The following SMARCA4 variants were observed in gnomAD, a reference collection of about 807,000 sequenced individuals.
SMARCA4 encodes SWI/SNF-related matrix-associated actin-dependent regulator of chromatin subfamily A member 4.
In SMARCA4, 31 loss-of-function variants were observed where a neutral mutation model predicts 193.9. That is an observed-to-expected ratio of 0.16 (90% CI 0.12 to 0.22). The LOEUF is 0.22. Among genes scored for constraint, SMARCA4 ranks in the 10% least tolerant of loss-of-function variants. SMARCA4 has a pLI of 1.00. For synonymous variants in SMARCA4, 942 were observed against 933.1 expected (o/e 1.01, Z -0.17); for missense variants, 1,148 against 2,296.0 (o/e 0.50, Z 10.22).
At chr19:11,023,714 C>T in intron 20 of SMARCA4, 83 bp downstream of exon 20, 1 of 829,390 alleles carries the variant, frequency 1.2e-6, no homozygotes, top group Non-Finnish European at 2.0e-6. Flanking sequence ...CAGGGCCTCT[C>T]CCCACAGTCC....
intron 20 of SMARCA4, 121 bp downstream of exon 20, chr19:11,023,752 G>C (rs574375310): frequency 8.3e-5 from 60 of 724,698 alleles, no homozygotes; most frequent in African/African-American, 8.2e-4. Context: ...ATCCAGCTTG[G>C]GGGTGGCGAT....
At position 11,011,121 on chromosome 19, in the gene SMARCA4, T is replaced by C. The variant is rs2088798994; in HGVS notation, c.2274+590T>C. 9 of 180,122 alleles carry C rather than the reference T, an allele frequency of 5.0e-5. No homozygotes were observed. The South Asian group carries it at 1.1e-3, about 21-fold the overall frequency. The allele number at this position is 180,122 out of a possible 1,614,324, so 11.2% of individuals were successfully genotyped here. On this transcript the variant is annotated intron_variant, in intron 15 of 34. Transcript: ENST00000344626. Reference sequence around the variant, plus strand: ...CACGAAACAGAGCTGCTCATGCTCTTAATGCGGCCTGCCATCCAGAGCTCA... The same window carrying C: ...CACGAAACAGAGCTGCTCATGCTCTCAATGCGGCCTGCCATCCAGAGCTCA...
intron 1 of SMARCA4, among the ~76,000 whole-genome samples, chr19:10,981,420 C>T (rs1183947187): frequency 6.6e-6 from 1 of 152,264 alleles, no homozygotes; most frequent in Non-Finnish European, 1.5e-5. Context: ...GCCAGGGCGG[C>T]ATCTCATAAT....
chr19:11,035,416 G>A (rs906914509), intron 29 of SMARCA4, among the ~76,000 whole-genome samples: 5 of 152,252 alleles, frequency 3.3e-5, no homozygotes, highest in Admixed American at 2.0e-4. Context: ...ACCTCTTCCC[G>A]AGGTTAAAAA....
Position 11,033,065 on chromosome 19 carries a change from G to A in SMARCA4, c.3547-225G>A. On this transcript the variant is annotated intron_variant, in intron 25 of 34. Coordinates refer to ENST00000344626, the MANE Select transcript of SMARCA4 (RefSeq NM_003072.5). This position sits in a 1 kb window ranked among gnomAD's most constrained non-coding sequence, Gnocchi z 9.8. ...TCTGTGGGGTCCCAATAAGGTAGAA[G>A]GTGGCACTTCTGGAGGAACGTGATG... 1.6e-6 allele frequency: 1 copy of A among 627,426 alleles called. No individual in the cohort carries two copies. The highest frequency in any genetic ancestry group is 1.8e-5 in the South Asian group (1 of 56,062). The allele number at this position is 627,426 out of a possible 1,614,324, so 38.9% of individuals were successfully genotyped here.
chr19:10,964,588 G>A (rs565885793), intron 1 of SMARCA4, among the ~76,000 whole-genome samples: 53 of 150,514 alleles, frequency 3.5e-4, no homozygotes, highest in Non-Finnish European at 5.9e-4. Flanking sequence ...AAAGTACTGG[G>A]ATTACAAGTA....
intron 11 of SMARCA4, among the ~76,000 whole-genome samples, chr19:10,999,427 T>A (rs1243969153): frequency 6.6e-6 from 1 of 151,956 alleles, no homozygotes; most frequent in African/African-American, 2.4e-5. Flanking sequence ...GAGGCCAATA[T>A]GGGAGGACTA....
chr19:11,029,940 T>A (rs1307333503), intron 24 of SMARCA4, among the ~76,000 whole-genome samples: 1 of 152,124 alleles, frequency 6.6e-6, no homozygotes, highest in Admixed American at 6.5e-5. Flanking sequence ...CCTCCCAAAG[T>A]GTTGGGATTA....
At chr19:10,962,421 A>G (rs1417219280) in intron 1 of SMARCA4, among the ~76,000 whole-genome samples, 2 of 151,982 alleles carry the variant, frequency 1.3e-5, no homozygotes, top group African/African-American at 4.8e-5. Flanking sequence ...CTCTTGGCCT[A>G]TCGTTTATTG....
In SMARCA4 at chr19:11,030,590, G is replaced by T. The variant is rs2074856897; in HGVS notation, c.3383-140G>T. On this transcript the variant is annotated intron_variant, in intron 24 of 34. Transcript: ENST00000344626. The surrounding 1 kb of genome is among the most constrained non-coding windows in gnomAD (Gnocchi z 5.5). ...ATTCGCCAGTGGCCCACAGGCCCGT[G>T]TGGAGAGTGCGGAGCCAGGGATCTG... 1 of 758,856 alleles carries T rather than the reference G, an allele frequency of 1.3e-6. No individual in the cohort carries two copies. Among genetic ancestry groups the T allele is most frequent in the South Asian group, 1.5e-5 (1 of 66,212 alleles). The allele number at this position is 758,856 out of a possible 1,614,324, so 47.0% of individuals were successfully genotyped here. A position where few individuals can be genotyped will look rare whatever the true frequency, so the allele number is the denominator to read the frequency against.
In SMARCA4 at chr19:10,991,339, C is replaced by T. The variant is rs2145883749; in HGVS notation, c.1419+16C>T. 2 of 1,576,566 alleles carry T rather than the reference C, an allele frequency of 1.3e-6. No individual in the cohort carries two copies. ...GAAGCACCAGGTACGCTCCGGTGGC[C>T]CCAAGGCCCTGCAGCCCGCCCACCT... On this transcript the variant is annotated intron_variant, in intron 8 of 34. Transcript: ENST00000344626.
chr19:11,007,377 C>A (rs1180239233), intron 13 of SMARCA4, among the ~76,000 whole-genome samples: 2 of 150,528 alleles, frequency 1.3e-5, no homozygotes, highest in Non-Finnish European at 1.5e-5. Context: ...TTGCACTGCG[C>A]CGAGATCACG....
chr19:11,013,437 T>C (rs1419472412), intron 16 of SMARCA4, among the ~76,000 whole-genome samples: 2 of 152,196 alleles, frequency 1.3e-5, no homozygotes, highest in East Asian at 1.9e-4. Flanking sequence ...CTGCTTTAAC[T>C]TCATTGCCTC....
chr19:10,972,618 T>C (rs1365829040), intron 1 of SMARCA4, among the ~76,000 whole-genome samples: 1 of 152,142 alleles, frequency 6.6e-6, no homozygotes, highest in African/African-American at 2.4e-5. Context: ...GGAAGGCCTG[T>C]CACGAGTGAC....
At chr19:10,993,787 A>G (rs2086765743) in intron 8 of SMARCA4, among the ~76,000 whole-genome samples, 1 of 152,014 alleles carries the variant, frequency 6.6e-6, no homozygotes, top group Non-Finnish European at 1.5e-5. Context: ...CTGGGACTAC[A>G]GGTGCCAGCC....
Position 10,987,938 on chromosome 19 carries a change from C to G in SMARCA4, c.1118+14C>G. The stretch of plus-strand genomic sequence containing the variant: ...GCGCGAGTACAGGTGAGGGCGGGGC[C>G]CAGTTGCCAAGGTCACTGCCCTGTG... On this transcript the variant is annotated intron_variant, in intron 6 of 34. Transcript: ENST00000344626. The surrounding 1 kb of genome is among the most constrained non-coding windows in gnomAD (Gnocchi z 5.3). 1 of 1,611,638 alleles carries G rather than the reference C, an allele frequency of 6.2e-7. No homozygotes were observed. The highest frequency in any genetic ancestry group is 8.5e-7 in the Non-Finnish European group (1 of 1,179,792).
chr19:11,052,454 G>A (rs1482264805), intron 30 of SMARCA4, among the ~76,000 whole-genome samples: 1 of 152,068 alleles, frequency 6.6e-6, no homozygotes, highest in African/African-American at 2.4e-5. Flanking sequence ...CAGGGGGTGT[G>A]AAGGAGGGTC....
rs1364450672 is a variant in SMARCA4 at position 10,987,806 on chromosome 19, G to A, written c.1000G>A (p.Gly334Arg). 10 of 1,603,318 alleles carry A rather than the reference G, an allele frequency of 6.2e-6. No homozygotes were observed. The highest frequency in any genetic ancestry group is 8.5e-6 in the Non-Finnish European group (10 of 1,175,976). The part of the protein sequence containing the change: ...PVMPPQTQSP[G>R]QPAQPAPMVP... ...GATGCCACCGCAGACCCAGTCCCCCGGGCAGCCGGCCCAGCCCGCGCCCAT... is the reference window on the plus strand; with the variant it reads ...GATGCCACCGCAGACCCAGTCCCCCAGGCAGCCGGCCCAGCCCGCGCCCAT... Residue 334 changes from glycine (G) to arginine (R), a missense_variant, in exon 6 of 35, where the codon GGG becomes AGG. This residue lies in a region of SMARCA4 where 257 missense variants were observed against 276.5 expected (regional missense o/e 0.93). Coordinates refer to ENST00000344626, the MANE Select transcript of SMARCA4 (RefSeq NM_003072.5). This position sits in a 1 kb window ranked among gnomAD's most constrained non-coding sequence, Gnocchi z 5.3.
At chr19:10,973,047 T>G (rs1020760984) in intron 1 of SMARCA4, among the ~76,000 whole-genome samples, 1 of 150,858 alleles carries the variant, frequency 6.6e-6, no homozygotes, top group African/African-American at 2.4e-5. Flanking sequence ...AGGCCGAGGT[T>G]GCGGTGAGCT....
Sources: gnomAD v4.1 joint callset for allele counts (sites outside exome capture counted in the v4.1 genomes callset) on GRCh38, gnomAD v4.1.1 for gene constraint, gnomAD v4.1.1 regional missense constraint, Gnocchi (gnomAD v3.1) non-coding constraint, MANE v1.5 for transcripts, NCBI Gene and HGNC (gene_info 2026-07-23, HGNC 2026-07-21) for gene names.